Variants in PTPRE observed in about 807,000 individuals in gnomAD.
PTPRE encodes the protein receptor-type tyrosine-protein phosphatase epsilon.
Under a neutral mutation model 102.0 loss-of-function variants are expected in PTPRE, and 51 were observed. The observed-to-expected ratio is 0.50, with a 90% CI of 0.40 to 0.63. PTPRE has a LOEUF of 0.63. PTPRE is among the 30% of genes least tolerant of loss of function. The pLI is 0.00. For missense variants in PTPRE, 752 were observed against 915.1 expected (o/e 0.82, Z 2.30); for synonymous variants, 345 against 348.2 (o/e 0.99, Z 0.10).
chr10:127,909,824 C>A (rs1043801219), intron 1 of PTPRE, among the ~76,000 whole-genome samples: 1 of 152,154 alleles, frequency 6.6e-6, no homozygotes, highest in Non-Finnish European at 1.5e-5. Context: ...GTGTCTGTTG[C>A]GTGGATGTTG....
intron 1 of PTPRE, among the ~76,000 whole-genome samples, chr10:127,965,434 G>C (rs548483185): frequency 4.1e-4 from 62 of 151,996 alleles, no homozygotes; most frequent in African/African-American, 1.5e-3. Context: ...TGGGGGTTTT[G>C]TTATAAGCCA....
chr10:127,964,918 G>C, intron 1 of PTPRE: 1 of 443,554 alleles, frequency 2.3e-6, no homozygotes, highest in Non-Finnish European at 4.5e-6. Context: ...AGGTCAGGGA[G>C]TTCCCTGGAC....
chr10:128,011,892 C>T (rs1245431575), intron 2 of PTPRE, among the ~76,000 whole-genome samples: 1 of 152,214 alleles, frequency 6.6e-6, no homozygotes, highest in African/African-American at 2.4e-5. Flanking sequence ...AGAACCTGGG[C>T]CAGAGAGTCC....
chr10:128,010,445 G>T (rs1442752299), intron 2 of PTPRE, among the ~76,000 whole-genome samples: 2 of 152,286 alleles, frequency 1.3e-5, no homozygotes, highest in Admixed American at 1.3e-4. Context: ...TCAGGGAAGA[G>T]ACCATGCGGT....
intron 1 of PTPRE, among the ~76,000 whole-genome samples, chr10:127,964,375 T>G (rs1850074580): frequency 6.6e-6 from 1 of 152,184 alleles, no homozygotes; most frequent in Non-Finnish European, 1.5e-5. Flanking sequence ...TTCACCATGT[T>G]GGCCAGGCTG....
At chr10:128,053,205 C>G (rs573685354) in intron 6 of PTPRE, among the ~76,000 whole-genome samples, 4 of 152,118 alleles carry the variant, frequency 2.6e-5, no homozygotes, top group Non-Finnish European at 4.4e-5. Context: ...GAGTCGAGAT[C>G]GCGCCACTGC....
chr10:127,954,038 G>T (rs1199652293), intron 1 of PTPRE, among the ~76,000 whole-genome samples: 1 of 152,226 alleles, frequency 6.6e-6, no homozygotes, highest in Non-Finnish European at 1.5e-5. Flanking sequence ...AGTGATATTT[G>T]TGTTCCATAT....
At chr10:128,019,329 C>T (rs771106131) in intron 2 of PTPRE, among the ~76,000 whole-genome samples, 27 of 152,220 alleles carry the variant, frequency 1.8e-4, no homozygotes, top group Non-Finnish European at 3.1e-4. Context: ...GACAAGAAAA[C>T]GCGGGTGGAT....
intron 1 of PTPRE, among the ~76,000 whole-genome samples, chr10:127,958,748 G>A (rs951146103): frequency 1.3e-5 from 2 of 152,094 alleles, no homozygotes; most frequent in African/African-American, 2.4e-5. Context: ...TTTTGGAAGA[G>A]ATCATAGAAA....
intron 1 of PTPRE, among the ~76,000 whole-genome samples, chr10:127,912,229 C>T (rs955137432): frequency 1.3e-5 from 2 of 152,194 alleles, no homozygotes; most frequent in Non-Finnish European, 2.9e-5. Flanking sequence ...GGCCCCACAT[C>T]TTTCTTTCAA....
intron 19 of PTPRE, among the ~76,000 whole-genome samples, chr10:128,078,621 C>A (rs1168525934): frequency 2.0e-5 from 3 of 152,212 alleles, no homozygotes; most frequent in African/African-American, 7.2e-5. Flanking sequence ...CCCCTTATAG[C>A]TGGCAGAGCT....
At position 128,008,162 on chromosome 10, in the gene PTPRE, G is replaced by T. The variant is rs1183228997; in HGVS notation, c.-8+25866G>T. Reference sequence around the variant, plus strand: ...CAGGGTACATGCCCCTGGGAAAACTGCCCAAGGGAAACAGTGCATCCACCA... The same window carrying T: ...CAGGGTACATGCCCCTGGGAAAACTTCCCAAGGGAAACAGTGCATCCACCA... On this transcript the variant is annotated intron_variant, in intron 2 of 20. Coordinates refer to ENST00000254667, the MANE Select transcript of PTPRE (RefSeq NM_006504.6). This position sits in a 1 kb window ranked among gnomAD's most constrained non-coding sequence, Gnocchi z 4.0. Among the ~76,000 whole-genome samples the T allele has an allele frequency of 6.6e-6, 1 of 152,132 alleles. No individual in the cohort carries two copies. Among genetic ancestry groups the T allele is most frequent in the African/African-American group, 2.4e-5 (1 of 41,440 alleles).
At chr10:127,976,666 G>A (rs536289245) in intron 1 of PTPRE, among the ~76,000 whole-genome samples, 9 of 152,284 alleles carry the variant, frequency 5.9e-5, no homozygotes, top group African/African-American at 2.2e-4. Context: ...TTTTCAAGGT[G>A]GTTTAACGCT....
chr10:127,972,527 C>A (rs1456753568), intron 1 of PTPRE, among the ~76,000 whole-genome samples: 1 of 152,230 alleles, frequency 6.6e-6, no homozygotes, highest in African/African-American at 2.4e-5. Flanking sequence ...CCACGGCCAA[C>A]CCCACGGTGC....
intron 19 of PTPRE, 23 bp downstream of exon 19, chr10:128,077,806 T>G (rs1218052067): frequency 1.3e-6 from 2 of 1,569,614 alleles, no homozygotes; most frequent in African/African-American, 1.3e-5. Context: ...CCCGAAGCCC[T>G]CCAGGTGGGG....
At chr10:128,000,179 A>G (rs1016802115) in intron 2 of PTPRE, among the ~76,000 whole-genome samples, 1 of 152,188 alleles carries the variant, frequency 6.6e-6, no homozygotes, top group African/African-American at 2.4e-5. Flanking sequence ...TGTAACATCC[A>G]TTAGTTGGTG....
rs188470935 is a variant in PTPRE at position 128,060,411 on chromosome 10, G to A, written c.512-528G>A. 2.4e-4 allele frequency among the ~76,000 whole-genome samples: 36 copies of A among 152,276 alleles called. No individual in the cohort carries two copies. In the East Asian group the frequency reaches 3.3e-3, roughly 14 times the overall value. On this transcript the variant is annotated intron_variant, in intron 7 of 20. Coordinates refer to ENST00000254667, the MANE Select transcript of PTPRE (RefSeq NM_006504.6). ...GCCTTCCAGCTCTGGGGCAGACTCC[G>A]GTGGTGGGACTGAGGGTCAGAGTCC...
At chr10:127,952,229 C>T (rs1469272053) in intron 1 of PTPRE, among the ~76,000 whole-genome samples, 1 of 152,120 alleles carries the variant, frequency 6.6e-6, no homozygotes, top group Non-Finnish European at 1.5e-5. Context: ...GATCCATTTC[C>T]AAGACAAAGT....
intron 1 of PTPRE, among the ~76,000 whole-genome samples, chr10:127,942,026 C>T (rs1848282485): frequency 6.9e-6 from 1 of 144,642 alleles, no homozygotes; most frequent in African/African-American, 2.6e-5. Context: ...AGCTGAATGT[C>T]TTTTTATCTC....
Sources: allele counts gnomAD v4.1 joint callset (sites outside exome capture counted in the v4.1 genomes callset), GRCh38; gene constraint gnomAD v4.1.1; non-coding constraint Gnocchi (gnomAD v3.1); transcripts MANE v1.5; gene names NCBI Gene and HGNC (gene_info 2026-07-23, HGNC 2026-07-21).